ARHGEF26: variants seen among roughly 807,000 people sequenced by gnomAD.
ARHGEF26 encodes the protein Rho guanine nucleotide exchange factor 26.
In ARHGEF26, 59 loss-of-function variants were observed where a neutral mutation model predicts 89.4. The observed-to-expected ratio is 0.66, with a 90% CI of 0.54 to 0.82. The LOEUF (loss-of-function observed/expected upper bound fraction) is 0.82. ARHGEF26 is among the 40% of genes least tolerant of loss of function. The pLI is 0.00. For missense variants in ARHGEF26, 1,234 were observed against 1,085.6 expected (o/e 1.14, Z -1.92); for synonymous variants, 500 against 428.4 (o/e 1.17, Z -2.06).
intron 12 of ARHGEF26, among the ~76,000 whole-genome samples, chr3:154,245,914 C>T (rs1717776889): frequency 6.6e-6 from 1 of 152,204 alleles, no homozygotes; most frequent in African/African-American, 2.4e-5. Context: ...GAACCGATCC[C>T]CTTGGGCTTC....
chr3:154,233,627 G>T (rs1010809287), intron 11 of ARHGEF26, among the ~76,000 whole-genome samples: 1 of 152,212 alleles, frequency 6.6e-6, no homozygotes, highest in African/African-American at 2.4e-5. Context: ...ATCTTGGAGA[G>T]TGTCCCCAAA....
At chr3:154,176,361 CT>C (rs5853685) in intron 6 of ARHGEF26, among the ~76,000 whole-genome samples, 1 of 152,002 alleles carries the variant, frequency 6.6e-6, no homozygotes, top group African/African-American at 2.4e-5. Flanking sequence ...TTAAGATAAA[CT>C]TTTTTTTGGT....
chr3:154,132,512 T>C (rs796354240), intron 4 of ARHGEF26, among the ~76,000 whole-genome samples: 17 of 152,234 alleles, frequency 1.1e-4, no homozygotes, highest in African/African-American at 2.4e-4. Context: ...ATTACCTTTT[T>C]AGAAGCTCAT....
At chr3:154,137,501 C>A (rs1036838511) in intron 4 of ARHGEF26, among the ~76,000 whole-genome samples, 2 of 152,108 alleles carry the variant, frequency 1.3e-5, no homozygotes, top group African/African-American at 4.8e-5. Context: ...CTAAGACATA[C>A]CCCAATTAGA....
chr3:154,196,536 C>T (rs1431869219), intron 9 of ARHGEF26, among the ~76,000 whole-genome samples: 1 of 152,098 alleles, frequency 6.6e-6, no homozygotes. Context: ...CTCTTCCTTG[C>T]CAATAATATT....
intron 6 of ARHGEF26, among the ~76,000 whole-genome samples, chr3:154,155,013 A>G (rs997340099): frequency 1.8e-4 from 28 of 152,062 alleles, no homozygotes; most frequent in African/African-American, 6.3e-4. Context: ...AAGAAATTGT[A>G]CCATTTTGCA....
chr3:154,199,170 T>A (rs978560973), intron 9 of ARHGEF26, among the ~76,000 whole-genome samples: 12 of 152,006 alleles, frequency 7.9e-5, no homozygotes, highest in Non-Finnish European at 1.5e-4. Context: ...CATTTTATTT[T>A]TTTTTTATAC....
chr3:154,199,763 G>A (rs1027436865), intron 9 of ARHGEF26, among the ~76,000 whole-genome samples: 3 of 152,094 alleles, frequency 2.0e-5, no homozygotes, highest in Non-Finnish European at 4.4e-5. Flanking sequence ...CATTTTAACT[G>A]GAATAAGATG....
intron 4 of ARHGEF26, among the ~76,000 whole-genome samples, chr3:154,143,191 A>T (rs1719489589): frequency 6.6e-6 from 1 of 152,216 alleles, no homozygotes; most frequent in South Asian, 2.1e-4. Flanking sequence ...ACCAATAGAT[A>T]AAAAAATTGA....
chr3:154,122,531 C>G lies in ARHGEF26; in HGVS notation c.539C>G (p.Ala180Gly). The change falls in exon 2 of 15, where the codon GCT (alanine) becomes GGT (glycine). Residue 180 changes from alanine (A) to glycine (G), a missense_variant. Transcript: ENST00000465093. Reference sequence around the variant, plus strand: ...TCGCCCACTGCAAATGGCCTTGCCGCTAATAACGACTCTCCTGGGTCAGGT... The same window carrying G: ...TCGCCCACTGCAAATGGCCTTGCCGGTAATAACGACTCTCCTGGGTCAGGT... ...VPSPTANGLA[A>G]NNDSPGSGSQ... is the part of the protein sequence containing the mutation. The G allele has an allele frequency of 1.9e-6, 3 of 1,613,508 alleles. No homozygotes were observed. Among genetic ancestry groups the G allele is most frequent in the Non-Finnish European group, 2.5e-6 (3 of 1,179,874 alleles).
chr3:154,173,152 T>A (rs1712557691), intron 6 of ARHGEF26, among the ~76,000 whole-genome samples: 1 of 152,174 alleles, frequency 6.6e-6, no homozygotes, highest in South Asian at 2.1e-4. Context: ...AGGGAATTTA[T>A]TAGAAAGGTT....
chr3:154,253,222 A>G, intron 13 of ARHGEF26, 39 bp downstream of exon 13: 2 of 1,611,998 alleles, frequency 1.2e-6, no homozygotes, highest in Non-Finnish European at 1.7e-6. Flanking sequence ...GGGAACATGG[A>G]TGGGCTCTGC....
chr3:154,217,843 C>G, intron 9 of ARHGEF26, 26 bp from the exon 10 acceptor site: 1 of 1,559,326 alleles, frequency 6.4e-7, no homozygotes, highest in East Asian at 2.3e-5. Context: ...TGACCTTTAA[C>G]CCTCGTTACT....
upstream of ARHGEF26, chr3:154,121,215 G>A (rs971173231): frequency 1.3e-5 from 2 of 152,290 alleles, no homozygotes; most frequent in Non-Finnish European, 2.9e-5. Flanking sequence ...CCAAAACGCT[G>A]GAGCTCAGAA....
intron 12 of ARHGEF26, among the ~76,000 whole-genome samples, chr3:154,251,990 A>T (rs1271539307): frequency 6.6e-6 from 1 of 152,184 alleles, no homozygotes; most frequent in Non-Finnish European, 1.5e-5. Context: ...ATCTACGCAA[A>T]AACAGGGAAG....
rs368352739 is a variant in ARHGEF26, at chr3:154,191,297, A to G, written c.1649A>G (p.Asn550Ser). 1.1e-5 allele frequency: 18 copies of G among 1,610,606 alleles called. No individual in the cohort carries two copies. The Middle Eastern group carries it at 4.9e-4, about 44-fold the overall frequency. Residue 550 changes from asparagine (N) to serine (S), a missense_variant, in exon 8 of 15, where the codon AAT (asparagine) becomes AGT (serine). Physicochemically the swap from Asn to Ser is conservative, Grantham distance 46. Coordinates refer to ENST00000465093, the MANE Select transcript of ARHGEF26 (RefSeq NM_015595.4). ...TCTTTGTTTTCCCTCAGAGCTACCA[A>G]TCCATCCTTTAAGGAAGTATTGTCA... ...QRTLQKLLAT[N>S]PSFKEVLSRI... is the part of the protein sequence containing the mutation.
In ARHGEF26 at chr3:154,189,069, C is replaced by G. The variant is rs185648516; in HGVS notation, c.1640+1232C>G. ...CACACCCATCACTTCCTCACTCCAC[C>G]ACGCCCTGGTGGGAACCGCTGCTAT... is the stretch of plus-strand genomic sequence containing the variant. On this transcript the variant is annotated intron_variant, in intron 7 of 14. Transcript: ENST00000465093. 3.9e-3 allele frequency among the ~76,000 whole-genome samples: 590 copies of G among 152,186 alleles called. 2 individuals carry two copies. The highest frequency in any genetic ancestry group is 0.013 in the African/African-American group (555 of 41,524).
chr3:154,191,527 A>C (rs2108187535), intron 8 of ARHGEF26, 109 bp downstream of exon 8: 2 of 1,315,662 alleles, frequency 1.5e-6, no homozygotes, highest in East Asian at 4.9e-5. Flanking sequence ...AAAGGTCTAA[A>C]AATCCCCCAA....
At chr3:154,139,607 G>T (rs1719234993) in intron 4 of ARHGEF26, among the ~76,000 whole-genome samples, 1 of 152,098 alleles carries the variant, frequency 6.6e-6, no homozygotes, top group Non-Finnish European at 1.5e-5. Context: ...CTCTTGTGGG[G>T]TCTCCTTCCT....
Sources: allele counts gnomAD v4.1 joint callset (sites outside exome capture counted in the v4.1 genomes callset), GRCh38; gene constraint gnomAD v4.1.1; transcripts MANE v1.5; gene names NCBI Gene and HGNC (gene_info 2026-07-23, HGNC 2026-07-21).